The following SEMA6A variants were observed in gnomAD, a reference collection of about 807,000 sequenced individuals.
SEMA6A encodes semaphorin 6A, also known as semaphorin-6A.
Under a neutral mutation model 96.8 loss-of-function variants are expected in SEMA6A, and 25 were observed. That is an observed-to-expected ratio of 0.26 (90% CI 0.19 to 0.36). The LOEUF is 0.36. Ranked by LOEUF, SEMA6A falls within the 10% of genes least tolerant of loss-of-function variation. The pLI, the probability that SEMA6A is intolerant of heterozygous loss-of-function variation, is 1.00. For synonymous variants in SEMA6A, 612 were observed against 518.0 expected (o/e 1.18, Z -2.46); for missense variants, 1,363 against 1,323.1 (o/e 1.03, Z -0.47).
intron 18 of SEMA6A, among the ~76,000 whole-genome samples, chr5:116,463,620 ATCTTAT>A (rs1755550021): frequency 1.3e-5 from 2 of 152,224 alleles, no homozygotes; most frequent in South Asian, 4.1e-4. Context: ...TCTGTAATAC[ATCTTAT>A]TCTTGTCTTT....
chr5:116,532,054 C>T (rs1759501405), intron 1 of SEMA6A, among the ~76,000 whole-genome samples: 1 of 152,172 alleles, frequency 6.6e-6, no homozygotes, highest in Non-Finnish European at 1.5e-5. Context: ...TGTGCTCTCA[C>T]CATTACTGTA....
chr5:116,525,361 T>C (rs7702266), intron 1 of SEMA6A, among the ~76,000 whole-genome samples: 13,670 of 152,164 alleles, frequency 0.09, 657 homozygotes, highest in African/African-American at 0.1. Context: ...GTTATTAGGA[T>C]AAAGAGCTCC....
chr5:116,496,172 C>T (rs1208386080), intron 5 of SEMA6A, 79 bp downstream of exon 5: 4 of 1,196,588 alleles, frequency 3.3e-6, no homozygotes, highest in Admixed American at 1.8e-5. Context: ...ATCCATTCTA[C>T]ATCACGGTCT....
intron 7 of SEMA6A, among the ~76,000 whole-genome samples, chr5:116,489,457 T>C (rs1181939896): frequency 6.6e-6 from 1 of 152,164 alleles, no homozygotes; most frequent in African/African-American, 2.4e-5. Context: ...AAAGAAGTCC[T>C]CAGCCTGATC....
intron 1 of SEMA6A, among the ~76,000 whole-genome samples, chr5:116,505,484 C>T (rs988767631): frequency 6.6e-6 from 1 of 151,506 alleles, no homozygotes; most frequent in African/African-American, 2.4e-5. Context: ...CACACACACA[C>T]ATCTATAACT....
chr5:116,469,159 G>C (rs1198657867), intron 17 of SEMA6A: 4 of 152,164 alleles, frequency 2.6e-5, no homozygotes, highest in African/African-American at 9.7e-5. Flanking sequence ...CAAAGCTTTG[G>C]TAACATTGAA....
At chr5:116,506,286 T>C (rs913897568) in intron 1 of SEMA6A, among the ~76,000 whole-genome samples, 4 of 152,224 alleles carry the variant, frequency 2.6e-5, no homozygotes, top group African/African-American at 7.2e-5. Flanking sequence ...ATTTCTTCAA[T>C]TGAAAAGTGC....
At chr5:116,463,256 C>A (rs1755528124) in intron 18 of SEMA6A, among the ~76,000 whole-genome samples, 1 of 152,164 alleles carries the variant, frequency 6.6e-6, no homozygotes. Flanking sequence ...TAAATTTCCA[C>A]CACATGACTC....
chr5:116,474,266 G>C (rs1756325996), intron 16 of SEMA6A, among the ~76,000 whole-genome samples: 1 of 136,972 alleles, frequency 7.3e-6, no homozygotes, highest in Non-Finnish European at 1.6e-5. Flanking sequence ...TGTTAATAAA[G>C]CGTGCACGCA....
chr5:116,515,140 C>T (rs1399533730), intron 1 of SEMA6A, among the ~76,000 whole-genome samples: 1 of 152,172 alleles, frequency 6.6e-6, no homozygotes, highest in Non-Finnish European at 1.5e-5. Context: ...GCCAAGACAG[C>T]AGCGTGTTAA....
chr5:116,509,439 A>G (rs957451926), intron 1 of SEMA6A, among the ~76,000 whole-genome samples: 3 of 152,218 alleles, frequency 2.0e-5, no homozygotes, highest in East Asian at 1.9e-4. Flanking sequence ...GGAAGAGCAC[A>G]TTAATGGCGT....
chr5:116,550,524 C>T (rs1039013792), intron 1 of SEMA6A: 1 of 152,176 alleles, frequency 6.6e-6, no homozygotes, highest in African/African-American at 2.4e-5. Flanking sequence ...AAAAGAGATG[C>T]TTTTCTCAGA....
chr5:116,502,601 G>T (rs752561732), intron 2 of SEMA6A: 7 of 369,470 alleles, frequency 1.9e-5, no homozygotes, highest in African/African-American at 8.3e-5. Context: ...TCTTTCTCAG[G>T]GCTCAACTCG....
intron 1 of SEMA6A, among the ~76,000 whole-genome samples, chr5:116,512,154 T>C (rs901272400): frequency 6.6e-5 from 10 of 152,180 alleles, no homozygotes; most frequent in Admixed American, 6.5e-4. Flanking sequence ...GGTGCTGCTG[T>C]CCACAAGATG....
At chr5:116,513,944 T>G (rs1463201651) in intron 1 of SEMA6A, among the ~76,000 whole-genome samples, 1 of 152,240 alleles carries the variant, frequency 6.6e-6, no homozygotes, top group East Asian at 1.9e-4. Context: ...TCCATGTCCC[T>G]GCAAAGGACA....
At chr5:116,559,851 T>C (rs1760752183) in intron 1 of SEMA6A, among the ~76,000 whole-genome samples, 1 of 152,146 alleles carries the variant, frequency 6.6e-6, no homozygotes, top group Admixed American at 6.5e-5. Flanking sequence ...ACCCAGAATC[T>C]GTTTCCTTTT....
chr5:116,459,103 G>A (rs1052257126), intron 18 of SEMA6A, among the ~76,000 whole-genome samples: 6 of 152,044 alleles, frequency 3.9e-5, no homozygotes, highest in African/African-American at 9.7e-5. Flanking sequence ...TTAAGCCACC[G>A]TGCTCAGCTG....
At chr5:116,474,089 G>A (rs1365695552) in intron 16 of SEMA6A, among the ~76,000 whole-genome samples, 1 of 152,120 alleles carries the variant, frequency 6.6e-6, no homozygotes, top group Non-Finnish European at 1.5e-5. Context: ...AAGGGTGTGA[G>A]CCTACTGGTA....
intron 16 of SEMA6A, among the ~76,000 whole-genome samples, chr5:116,473,951 T>TC (rs1315661996): frequency 5.3e-5 from 8 of 152,134 alleles, no homozygotes; most frequent in Admixed American, 2.6e-4. Flanking sequence ...CGAAGGCAGA[T>TC]CCAGGGGCTT....
Sources: gnomAD v4.1 joint callset for allele counts (sites outside exome capture counted in the v4.1 genomes callset) on GRCh38, gnomAD v4.1.1 for gene constraint, MANE v1.5 for transcripts, NCBI Gene and HGNC (gene_info 2026-07-23, HGNC 2026-07-21) for gene names.